Variants in LIMCH1 observed in about 807,000 individuals in gnomAD.
LIMCH1 encodes LIM and calponin homology domains 1.
In LIMCH1, 113 loss-of-function variants were observed where a neutral mutation model predicts 176.5. The observed-to-expected ratio is 0.64, with a 90% CI of 0.55 to 0.75. The LOEUF is 0.75. Among genes scored for constraint, LIMCH1 ranks in the 30% least tolerant of loss-of-function variants. LIMCH1 has a pLI of 0.00. For synonymous variants in LIMCH1, 619 were observed against 645.9 expected, an observed-to-expected ratio of 0.96 and a Z score of 0.63; for missense variants, 1,674 against 1,814.9, an observed-to-expected ratio of 0.92 and a Z score of 1.41.
chr4:41,686,058 T>C (rs910118200), intron 28 of LIMCH1, among the ~76,000 whole-genome samples: 1 of 152,218 alleles, frequency 6.6e-6, no homozygotes, highest in African/African-American at 2.4e-5. Flanking sequence ...GGCAAAGTTA[T>C]GTTTTTAGCC....
intron 30 of LIMCH1, among the ~76,000 whole-genome samples, chr4:41,692,031 G>C (rs1193355057): frequency 2.0e-5 from 3 of 152,214 alleles, no homozygotes; most frequent in African/African-American, 7.2e-5. Context: ...CACAACCTAG[G>C]AACAAGCCAA....
chr4:41,523,331 A>G lies in LIMCH1; in HGVS notation c.168-1078A>G, dbSNP rs146395926. On this transcript the variant is annotated intron_variant, in intron 2 of 26. Transcript: ENST00000313860. ...CTCAGGTCTCCATTGTAACTACTCA[A>G]CTCTGCAGTTGTAGCACAAAAGTAG... Among the ~76,000 whole-genome samples the G allele has an allele frequency of 7.0e-3, 1,067 of 152,238 alleles. 13 individuals carry two copies. Among genetic ancestry groups the G allele is most frequent in the African/African-American group, 0.023 (968 of 41,550 alleles).
At chr4:41,556,858 A>G (rs1476586851) in intron 1 of LIMCH1, among the ~76,000 whole-genome samples, 2 of 152,210 alleles carry the variant, frequency 1.3e-5, no homozygotes, top group East Asian at 3.9e-4. Context: ...ATAAAATCAT[A>G]TAACTGCTGT....
intron 2 of LIMCH1, among the ~76,000 whole-genome samples, chr4:41,517,420 T>C (rs1383912410): frequency 6.6e-6 from 1 of 152,170 alleles, no homozygotes; most frequent in Non-Finnish European, 1.5e-5. Flanking sequence ...TGCTGAGCCC[T>C]AGAAATACAC....
intron 1 of LIMCH1, among the ~76,000 whole-genome samples, chr4:41,586,731 A>C (rs1300407319): frequency 6.6e-6 from 1 of 152,172 alleles, no homozygotes; most frequent in Non-Finnish European, 1.5e-5. Flanking sequence ...GGAGGGATAG[A>C]TTCCTTGGAA....
At chr4:41,465,364 G>C (rs4438789) in intron 1 of LIMCH1, among the ~76,000 whole-genome samples, 1 of 152,016 alleles carries the variant, frequency 6.6e-6, no homozygotes, top group Non-Finnish European at 1.5e-5. Context: ...CTCAAGTCCC[G>C]CTGCCAGCAC....
upstream of LIMCH1, among the ~76,000 whole-genome samples, chr4:41,533,386 G>T (rs1291400820): frequency 6.6e-6 from 1 of 152,186 alleles, no homozygotes; most frequent in Non-Finnish European, 1.5e-5. Context: ...TGCTTGTCCC[G>T]ATGAATGAAA....
chr4:41,446,980 G>A (rs2063346789), intron 1 of LIMCH1, among the ~76,000 whole-genome samples: 1 of 152,178 alleles, frequency 6.6e-6, no homozygotes, highest in African/African-American at 2.4e-5. Context: ...TGTAACTCCT[G>A]CACTTTGGGA....
At chr4:41,654,342 C>T (rs1025553310) in intron 18 of LIMCH1, among the ~76,000 whole-genome samples, 4 of 152,136 alleles carry the variant, frequency 2.6e-5, no homozygotes, top group Non-Finnish European at 5.9e-5. Context: ...GGGTAAACAA[C>T]CGATACTCTA....
At chr4:41,685,655 A>T (rs1720120970) in intron 27 of LIMCH1, 55 bp from the exon 28 acceptor site, 3 of 1,603,888 alleles carry the variant, frequency 1.9e-6, no homozygotes, top group Admixed American at 1.7e-5. Context: ...GTGACTTCCT[A>T]GGTAGTAAGG....
At chr4:41,516,198 G>A (rs551991327) in intron 2 of LIMCH1, among the ~76,000 whole-genome samples, 2 of 152,290 alleles carry the variant, frequency 1.3e-5, no homozygotes, top group African/African-American at 4.8e-5. Context: ...GATTGGGCTT[G>A]ATTACCAGGT....
intron 1 of LIMCH1, among the ~76,000 whole-genome samples, chr4:41,484,402 C>A (rs1354606475): frequency 6.6e-6 from 1 of 152,140 alleles, no homozygotes; most frequent in African/African-American, 2.4e-5. Flanking sequence ...TGAGTGTGAT[C>A]CATCAATGTT....
intron 1 of LIMCH1, among the ~76,000 whole-genome samples, chr4:41,538,558 T>C (rs1020913488): frequency 9.3e-5 from 14 of 151,330 alleles, no homozygotes; most frequent in Non-Finnish European, 1.9e-4. Context: ...AATTAAGCTT[T>C]TTTTTTTTTT....
chr4:41,538,346 TG>T lies in LIMCH1; in HGVS notation c.-241+1del. The T allele has an allele frequency of 4.1e-6, 4 of 985,206 alleles. No homozygotes were observed. Among genetic ancestry groups the T allele is most frequent in the Non-Finnish European group, 4.8e-6 (4 of 829,870 alleles). The allele number at this position is 985,206 out of a possible 1,614,324, so 61.0% of individuals were successfully genotyped here. On this transcript the variant is annotated 5_prime_UTR_variant, in exon 1 of 32. It removes the in-frame stop codon of an upstream open reading frame in the 5' UTR. Coordinates refer to ENST00000503057, the MANE Select transcript of LIMCH1 (RefSeq NM_001330672.2). The stretch of plus-strand genomic sequence containing the variant: ...GTTCATTGCGGAGCATGAGGACGTG[TG>T]GGGGTAAGTAAAATTCATTATAAAA...
chr4:41,626,395 A>G (rs955423619), intron 7 of LIMCH1, among the ~76,000 whole-genome samples: 2 of 151,824 alleles, frequency 1.3e-5, no homozygotes, highest in Non-Finnish European at 2.9e-5. Context: ...AAAGCTTCCC[A>G]TTTTTCCCCA....
chr4:41,643,442 T>C (rs545043366), intron 14 of LIMCH1, among the ~76,000 whole-genome samples: 2 of 152,312 alleles, frequency 1.3e-5, no homozygotes, highest in African/African-American at 4.8e-5. Context: ...CATAGCCCAC[T>C]TGTCCCAAAG....
At chr4:41,485,907 C>T (rs1176538686) in intron 1 of LIMCH1, among the ~76,000 whole-genome samples, 1 of 152,058 alleles carries the variant, frequency 6.6e-6, no homozygotes, top group Non-Finnish European at 1.5e-5. Context: ...TGGAAAAAGA[C>T]AATAGAATGC....
chr4:41,646,051 A>G (rs1234209030), intron 15 of LIMCH1, 72 bp from the exon 16 acceptor site: 5 of 1,473,530 alleles, frequency 3.4e-6, no homozygotes, highest in South Asian at 1.3e-5. Flanking sequence ...AGAAATGACT[A>G]AACTCTGAAG....
At chr4:41,573,744 A>T (rs1020413710) in intron 1 of LIMCH1, among the ~76,000 whole-genome samples, 1 of 152,172 alleles carries the variant, frequency 6.6e-6, no homozygotes, top group African/African-American at 2.4e-5. Flanking sequence ...TCCCAGCAGT[A>T]AAGTTGCTAG....
Sources: gnomAD v4.1 joint callset for allele counts (sites outside exome capture counted in the v4.1 genomes callset) on GRCh38, gnomAD v4.1.1 for gene constraint, MANE v1.5 for transcripts, NCBI Gene and HGNC (gene_info 2026-07-23, HGNC 2026-07-21) for gene names.